The following FSTL4 variants were observed in gnomAD, a reference collection of about 807,000 sequenced individuals.
The protein encoded by FSTL4 is follistatin-related protein 4.
Under a neutral mutation model 78.2 loss-of-function variants are expected in FSTL4, and 28 were observed. The observed-to-expected ratio is 0.36, with a 90% CI of 0.27 to 0.49. FSTL4 has a LOEUF of 0.49. FSTL4 is among the 20% of genes least tolerant of loss of function. The pLI, the probability that FSTL4 is intolerant of heterozygous loss-of-function variation, is 0.98. For synonymous variants in FSTL4, 422 were observed against 440.5 expected (o/e 0.96, Z 0.53); for missense variants, 922 against 1,084.9 (o/e 0.85, Z 2.11).
chr5:133,438,346 A>G (rs540578658), intron 3 of FSTL4, among the ~76,000 whole-genome samples: 21 of 152,352 alleles, frequency 1.4e-4, no homozygotes, highest in Non-Finnish European at 2.8e-4. Context: ...GTTCTTCCAG[A>G]ATGCTAGTAG....
intron 3 of FSTL4, among the ~76,000 whole-genome samples, chr5:133,523,332 T>C (rs998377995): frequency 9.2e-5 from 14 of 152,312 alleles, no homozygotes; most frequent in African/African-American, 3.4e-4. Flanking sequence ...TACTTTGTCA[T>C]GGCAGCCCAA....
the FSTL4 span, among the ~76,000 whole-genome samples, chr5:133,762,125 C>T: frequency 6.6e-6 from 1 of 152,130 alleles, no homozygotes. Flanking sequence ...TTTCTCTCTT[C>T]ACTAGTATTT....
At chr5:133,738,838 T>A in the FSTL4 span, among the ~76,000 whole-genome samples, 4 of 151,732 alleles carry the variant, frequency 2.6e-5, no homozygotes, top group Admixed American at 6.6e-5. Context: ...TGCTGAAAAA[T>A]GGAGATTTTA....
At chr5:133,279,747 C>A (rs1459488920) in intron 6 of FSTL4, among the ~76,000 whole-genome samples, 1 of 152,162 alleles carries the variant, frequency 6.6e-6, no homozygotes. Flanking sequence ...GTCCCCAACC[C>A]CTCACCAAAT....
chr5:133,421,071 C>A (rs1398196261), intron 3 of FSTL4, among the ~76,000 whole-genome samples: 1 of 152,192 alleles, frequency 6.6e-6, no homozygotes, highest in Non-Finnish European at 1.5e-5. Context: ...TGAACAGTGA[C>A]CTGGTCACAT....
At chr5:133,322,224 C>T (rs1314570256) in intron 4 of FSTL4, among the ~76,000 whole-genome samples, 1 of 138,312 alleles carries the variant, frequency 7.2e-6, no homozygotes, top group Non-Finnish European at 1.5e-5. Context: ...CACACACACA[C>T]CCACACACAC....
chr5:133,494,797 G>A (rs995524320), intron 3 of FSTL4, among the ~76,000 whole-genome samples: 1 of 152,204 alleles, frequency 6.6e-6, no homozygotes, highest in African/African-American at 2.4e-5. Context: ...AGGAAACCCC[G>A]CTCCTGAGAC....
the FSTL4 span, among the ~76,000 whole-genome samples, chr5:133,635,061 C>A: frequency 6.9e-6 from 1 of 144,280 alleles, no homozygotes; most frequent in Non-Finnish European, 1.5e-5. Context: ...TGATCTCTTG[C>A]CTATTTTATT....
At chr5:133,342,861 C>G (rs1016136813) in intron 4 of FSTL4, among the ~76,000 whole-genome samples, 1 of 152,172 alleles carries the variant, frequency 6.6e-6, no homozygotes, top group African/African-American at 2.4e-5. Flanking sequence ...ACATGGCAGC[C>G]ATAGAACCCA....
intron 7 of FSTL4, among the ~76,000 whole-genome samples, chr5:133,245,838 A>G (rs1429675483): frequency 1.3e-5 from 2 of 152,158 alleles, no homozygotes; most frequent in Admixed American, 1.3e-4. Flanking sequence ...TTACTTTCTG[A>G]TCAAATATTA....
the FSTL4 span, among the ~76,000 whole-genome samples, chr5:133,641,207 A>G: frequency 3.3e-5 from 5 of 152,256 alleles, no homozygotes; most frequent in South Asian, 1.0e-3. Flanking sequence ...ACCCAACCAT[A>G]TAGTGCCCAC....
chr5:133,630,891 G>T, the FSTL4 span, among the ~76,000 whole-genome samples: 2 of 152,276 alleles, frequency 1.3e-5, no homozygotes, highest in Admixed American at 1.3e-4. Context: ...AATGGGGAAA[G>T]AATTCCCTAT....
chr5:133,563,738 C>T (rs1358922905), intron 3 of FSTL4, among the ~76,000 whole-genome samples: 2 of 152,152 alleles, frequency 1.3e-5, no homozygotes, highest in Non-Finnish European at 2.9e-5. Context: ...AAAAACAACA[C>T]AATTAATTTT....
chr5:133,261,510 C>T (rs575650880), intron 6 of FSTL4, among the ~76,000 whole-genome samples: 7 of 152,282 alleles, frequency 4.6e-5, no homozygotes, highest in East Asian at 1.9e-4. Context: ...ATATCCACTC[C>T]GTTTTGCAGT....
At chr5:133,582,884 C>A (rs904916039) in intron 2 of FSTL4, among the ~76,000 whole-genome samples, 1 of 152,290 alleles carries the variant, frequency 6.6e-6, no homozygotes, top group South Asian at 2.1e-4. Flanking sequence ...CCTCTCCTCA[C>A]TCATGGGCAG....
intron 8 of FSTL4, among the ~76,000 whole-genome samples, chr5:133,226,584 T>C (rs1367132612): frequency 6.6e-6 from 1 of 152,230 alleles, no homozygotes; most frequent in Non-Finnish European, 1.5e-5. Context: ...ATAAGTATCA[T>C]TTTTAGTGGA....
chr5:133,605,588 C>G lies in FSTL4; in HGVS notation c.-10-1595G>C, dbSNP rs536325664. 9.2e-5 allele frequency among the ~76,000 whole-genome samples: 14 copies of G among 152,348 alleles called. 1 individual carries two copies. The highest frequency in any genetic ancestry group is 3.4e-4 in the African/African-American group (14 of 41,574). ...TATCCACATCCAAATAGAGCTGCCT[C>G]TCCACATCTGCTTTATGTCTCCAGC... On this transcript the variant is annotated intron_variant, in intron 1 of 15. Transcript: ENST00000265342.
chr5:133,454,505 G>A (rs919685999), intron 3 of FSTL4, among the ~76,000 whole-genome samples: 1 of 152,194 alleles, frequency 6.6e-6, no homozygotes, highest in East Asian at 1.9e-4. Flanking sequence ...AGCAGCAGTC[G>A]CTGGATCTCA....
At chr5:133,460,891 C>T (rs1757578447) in intron 3 of FSTL4, among the ~76,000 whole-genome samples, 1 of 152,178 alleles carries the variant, frequency 6.6e-6, no homozygotes. Context: ...TCAGGTTACG[C>T]CAAGCAAGAG....
Sources: allele counts gnomAD v4.1 joint callset (sites outside exome capture counted in the v4.1 genomes callset), GRCh38; gene constraint gnomAD v4.1.1; transcripts MANE v1.5; gene names NCBI Gene and HGNC (gene_info 2026-07-23, HGNC 2026-07-21).